The following SPAG17 variants were observed in gnomAD, a reference collection of about 807,000 sequenced individuals.
SPAG17 encodes sperm associated antigen 17, also known as sperm-associated antigen 17.
In SPAG17, 169 loss-of-function variants were observed where a neutral mutation model predicts 273.6. The observed-to-expected ratio is 0.62, with a 90% CI of 0.55 to 0.70. The LOEUF is 0.70. Among genes scored for constraint, SPAG17 ranks in the 30% least tolerant of loss-of-function variants. SPAG17 has a pLI of 0.00. For synonymous variants in SPAG17, 825 were observed against 873.2 expected (o/e 0.94, Z 0.97); for missense variants, 2,557 against 2,627.8 (o/e 0.97, Z 0.59).
intron 2 of SPAG17, among the ~76,000 whole-genome samples, chr1:118,150,923 A>C (rs764212735): frequency 1.3e-5 from 2 of 152,184 alleles, no homozygotes; most frequent in Non-Finnish European, 2.9e-5. Flanking sequence ...GGAATCTTAA[A>C]TAGTCTAGTC....
chr1:118,006,451 T>C (rs1429456108), intron 31 of SPAG17, among the ~76,000 whole-genome samples: 1 of 152,252 alleles, frequency 6.6e-6, no homozygotes, highest in East Asian at 1.9e-4. Context: ...GGATAAGTAA[T>C]ATTCCATTGT....
In SPAG17 at chr1:118,091,711, T is replaced by C. The variant is rs2102190648; in HGVS notation, c.1254A>G (p.Ser418=). Residue 418 remains serine (S), a synonymous_variant, in exon 10 of 49, where the codon TCA becomes TCG. Transcript: ENST00000336338. The part of the protein sequence containing the change: ...EEPQAPPPVT[S]VITTEVDMRY... ...TCATGTCTACTTCAGTTGTGATGAC[T>C]GAAGTCACTGTAAAATATAGAAAAT... The C allele has an allele frequency of 6.3e-7, 1 of 1,589,094 alleles. No homozygotes were observed. The highest frequency in any genetic ancestry group is 8.6e-7 in the Non-Finnish European group (1 of 1,158,186).
At chr1:118,031,177 CTTTTTTTTTTT>C (rs1015324627) in intron 25 of SPAG17, among the ~76,000 whole-genome samples, 2 of 54,918 alleles carry the variant, frequency 3.6e-5, no homozygotes, top group African/African-American at 8.0e-5. Context: ...GAGGACTACT[CTTTTTTTTTTT>C]TTTTTTTTTT....
At chr1:118,033,020 T>C (rs1460469734) in intron 24 of SPAG17, among the ~76,000 whole-genome samples, 1 of 152,194 alleles carries the variant, frequency 6.6e-6, no homozygotes, top group African/African-American at 2.4e-5. Flanking sequence ...ATCAGACTCA[T>C]TGAAGATGAG....
intron 43 of SPAG17, 132 bp from the exon 44 acceptor site, chr1:117,973,693 TTTA>T (rs1276159467): frequency 2.1e-5 from 16 of 769,696 alleles, no homozygotes; most frequent in Admixed American, 3.6e-5. Context: ...AGCTTATTTA[TTTA>T]TTTTTATTTT....
chr1:118,016,208 A>G, intron 28 of SPAG17, 26 bp from the exon 29 acceptor site: 1 of 1,553,628 alleles, frequency 6.4e-7, no homozygotes, highest in Non-Finnish European at 8.9e-7. Flanking sequence ...AAAATCAAAC[A>G]ACAACAATAT....
rs557351108 is a variant in SPAG17, at chr1:118,001,590, T to C, written c.4776+3824A>G. ...AGGAATTTATCCATTTCTTCTAGAT[T>C]TTCTAGTTTATTTGCATAGAGGTGT... is the stretch of plus-strand genomic sequence containing the variant. On this transcript the variant is annotated intron_variant, in intron 32 of 48. Coordinates refer to ENST00000336338, the MANE Select transcript of SPAG17 (RefSeq NM_206996.4). Among the ~76,000 whole-genome samples, 6 of 152,324 alleles carry C rather than the reference T, an allele frequency of 3.9e-5. 1 individual carries two copies. The East Asian group carries it at 1.2e-3, about 29-fold the overall frequency.
intron 18 of SPAG17, among the ~76,000 whole-genome samples, chr1:118,065,568 T>G: frequency 6.6e-6 from 1 of 152,110 alleles, no homozygotes; most frequent in East Asian, 1.9e-4. Flanking sequence ...AACAATACAT[T>G]AGCAAAGCAA....
intron 18 of SPAG17, among the ~76,000 whole-genome samples, chr1:118,062,353 C>A (rs1322350743): frequency 1.4e-5 from 1 of 69,288 alleles, no homozygotes; most frequent in African/African-American, 8.9e-5. Context: ...GGCGACAGAG[C>A]GAGACTCCAT....
intron 19 of SPAG17, among the ~76,000 whole-genome samples, chr1:118,054,911 A>C (rs2101997150): frequency 6.6e-6 from 1 of 152,210 alleles, no homozygotes; most frequent in East Asian, 1.9e-4. Flanking sequence ...GAGGTTGCCA[A>C]AATTTTGGAA....
intron 3 of SPAG17, among the ~76,000 whole-genome samples, chr1:118,129,769 CCTT>C (rs770427539): frequency 1.8e-4 from 26 of 145,068 alleles, no homozygotes; most frequent in African/African-American, 2.5e-4. Context: ...TTCTTTCTTT[CCTT>C]CTTCTTCTTC....
chr1:118,063,922 G>A (rs558183515), intron 18 of SPAG17, among the ~76,000 whole-genome samples: 22 of 152,162 alleles, frequency 1.4e-4, no homozygotes, highest in African/African-American at 2.4e-4. Context: ...AAAAGTGGGC[G>A]AAGGATATGA....
At chr1:118,002,421 G>C (rs986561440) in intron 32 of SPAG17, among the ~76,000 whole-genome samples, 7 of 152,010 alleles carry the variant, frequency 4.6e-5, no homozygotes, top group African/African-American at 1.7e-4. Flanking sequence ...TTGACAGTGG[G>C]GTGTTAAAAT....
chr1:118,071,750 A>C (rs1395596684), intron 17 of SPAG17, among the ~76,000 whole-genome samples: 2 of 152,238 alleles, frequency 1.3e-5, no homozygotes, highest in African/African-American at 4.8e-5. Context: ...GCTCAATATA[A>C]GAAATGAATG....
intron 23 of SPAG17, among the ~76,000 whole-genome samples, chr1:118,037,742 A>G (rs77304974): frequency 2.9e-3 from 447 of 152,234 alleles, no homozygotes; most frequent in African/African-American, 0.01. Context: ...TATCCAGTCC[A>G]CCACTAATGA....
chr1:118,051,105 G>C (rs745977558), intron 20 of SPAG17, among the ~76,000 whole-genome samples: 4 of 151,974 alleles, frequency 2.6e-5, no homozygotes, highest in Non-Finnish European at 5.9e-5. Context: ...TTTCTCAAAA[G>C]AAGGCTTACA....
chr1:118,026,841 T>C (rs1186429582), intron 26 of SPAG17, among the ~76,000 whole-genome samples: 1 of 152,202 alleles, frequency 6.6e-6, no homozygotes. Flanking sequence ...CTACGATAAC[T>C]GTCTTTCCCT....
chr1:118,007,857 G>A (rs925411192), intron 31 of SPAG17, among the ~76,000 whole-genome samples, 187 bp downstream of exon 31: 2 of 152,132 alleles, frequency 1.3e-5, no homozygotes, highest in African/African-American at 4.8e-5. Flanking sequence ...ATGTTTTTCT[G>A]GCATGGGATG....
intron 4 of SPAG17, among the ~76,000 whole-genome samples, chr1:118,111,592 A>ACACACACACACACACAC (rs1656764012): frequency 4.6e-5 from 7 of 151,404 alleles, no homozygotes; most frequent in African/African-American, 7.3e-5. Context: ...ACACACACAC[A>ACACACACACACACACAC]AATGGCATTA....
Sources: allele counts gnomAD v4.1 joint callset (sites outside exome capture counted in the v4.1 genomes callset), GRCh38; gene constraint gnomAD v4.1.1; transcripts MANE v1.5; gene names NCBI Gene and HGNC (gene_info 2026-07-23, HGNC 2026-07-21).